The following MTIF2 variants were observed in gnomAD, a reference collection of about 807,000 sequenced individuals.
MTIF2 encodes the protein translation initiation factor IF-2, mitochondrial.
A neutral mutation model predicts 83.5 loss-of-function variants in MTIF2; 71 were observed. That is an observed-to-expected ratio of 0.85 (90% CI 0.70 to 1.04). MTIF2 has a LOEUF of 1.04. Ranked by LOEUF, MTIF2 falls within the 50% of genes least tolerant of loss-of-function variation. The probability of loss-of-function intolerance (pLI) is 0.00; values close to 1 mark genes in which losing one functional copy is unlikely to be tolerated. For synonymous variants in MTIF2, 319 were observed against 287.1 expected (o/e 1.11, Z -1.12); for missense variants, 957 against 846.5 (o/e 1.13, Z -1.62).
At chr2:55,237,469 A>C in intron 14 of MTIF2, 41 bp from the exon 15 acceptor site, 1 of 1,535,574 alleles carries the variant, frequency 6.5e-7, no homozygotes, top group Non-Finnish European at 8.8e-7. Context: ...AAAACTAAAG[A>C]TTCTGATAAA....
At chr2:55,260,333 G>T (rs1381931316) in intron 5 of MTIF2, among the ~76,000 whole-genome samples, 1 of 148,548 alleles carries the variant, frequency 6.7e-6, no homozygotes, top group Non-Finnish European at 1.5e-5. Flanking sequence ...CCAGGAGGCA[G>T]ATGTTGCAGC....
intron 9 of MTIF2, among the ~76,000 whole-genome samples, chr2:55,247,239 C>A (rs928983130): frequency 1.3e-5 from 2 of 152,136 alleles, no homozygotes; most frequent in Non-Finnish European, 2.9e-5. Flanking sequence ...TAAGAGATTG[C>A]TCACAGTTGT....
Position 55,262,401 on chromosome 2 carries a change from T to C in MTIF2, c.246A>G (p.Leu82=), listed in dbSNP as rs1321758514. 2 of 1,613,098 alleles carry C rather than the reference T, an allele frequency of 1.2e-6. No individual in the cohort carries two copies. The highest frequency in any genetic ancestry group is 1.7e-6 in the Non-Finnish European group (2 of 1,179,318). Residue 82 remains leucine, a synonymous_variant, in exon 5 of 16, where the codon TTA becomes TTG. Transcript: ENST00000263629. The stretch of plus-strand genomic sequence containing the variant: ...CCACCTTTTTAGATTTTGTTGAAGA[T>C]AACTGAGATTTCCATGGTCCTTCTT... ...KKEEGPWKSQ[L]SSTKSKKVVE...
intron 14 of MTIF2, among the ~76,000 whole-genome samples, chr2:55,238,233 T>C: frequency 6.6e-6 from 1 of 151,688 alleles, no homozygotes; most frequent in Non-Finnish European, 1.5e-5. Context: ...TGGAGGCTGG[T>C]CTTGAATTCG....
chr2:55,244,804 T>C (rs945546799), intron 10 of MTIF2, among the ~76,000 whole-genome samples: 17 of 151,932 alleles, frequency 1.1e-4, no homozygotes, highest in Non-Finnish European at 2.2e-4. Context: ...CCCAGTACTT[T>C]GGGAGGCCGA....
At position 55,244,074 on chromosome 2, in the gene MTIF2, T is replaced by C; in HGVS notation, c.1266A>G (p.Arg422=). ...PSMPVGITGW[R]DLPSAGEEIL... ...TTTCTTCTCCTGCAGAAGGAAGGTC[T>C]CTCCAGCCTGTAATTCCCACTGGCA... The change falls in exon 11 of 16, where the codon AGA becomes AGG. Residue 422 remains arginine (R), a synonymous_variant. Coordinates refer to ENST00000263629, the MANE Select transcript of MTIF2 (RefSeq NM_002453.3). 2 of 1,614,168 alleles carry C rather than the reference T, an allele frequency of 1.2e-6. No individual in the cohort carries two copies. Among genetic ancestry groups the C allele is most frequent in the Non-Finnish European group, 1.7e-6 (2 of 1,180,028 alleles).
In MTIF2 at chr2:55,244,164, A is replaced by G; in HGVS notation, c.1176T>C (p.Cys392=). ...CAAACATTAAGCGTACTTTTGCCCA[A>G]CATTTTCCAGCAACCAGAACAGAGC... ...RKGSVLVAGK[C]WAKVRLMFDE... is the part of the protein sequence containing the mutation. Residue 392 remains cysteine, a synonymous_variant, in exon 11 of 16, where the codon TGT becomes TGC. Coordinates refer to ENST00000263629, the MANE Select transcript of MTIF2 (RefSeq NM_002453.3). 1 of 1,614,152 alleles carries G rather than the reference A, an allele frequency of 6.2e-7. No homozygotes were observed. The highest frequency in any genetic ancestry group is 8.5e-7 in the Non-Finnish European group (1 of 1,180,014).
chr2:55,249,261 T>G (rs1190182332), intron 9 of MTIF2, 134 bp downstream of exon 9: 6 of 1,123,682 alleles, frequency 5.3e-6, no homozygotes, highest in Non-Finnish European at 5.0e-6. Context: ...ATACCATCTT[T>G]GCCTGGCACC....
intron 3 of MTIF2, among the ~76,000 whole-genome samples, chr2:55,265,890 T>C (rs887597594): frequency 8.5e-5 from 13 of 152,234 alleles, no homozygotes; most frequent in Admixed American, 8.5e-4. Context: ...CTACTGAATA[T>C]GTACACCTTT....
chr2:55,255,962 T>C (rs1213370853), intron 5 of MTIF2, among the ~76,000 whole-genome samples: 1 of 152,054 alleles, frequency 6.6e-6, no homozygotes, highest in East Asian at 1.9e-4. Flanking sequence ...CTGCAGCCTC[T>C]GCCTCCCAGG....
chr2:55,251,227 T>A (rs1677072500), intron 8 of MTIF2, among the ~76,000 whole-genome samples: 1 of 152,104 alleles, frequency 6.6e-6, no homozygotes, highest in African/African-American at 2.4e-5. Flanking sequence ...AGTTATCCTA[T>A]CTCAACCAAT....
In MTIF2 at chr2:55,262,541, CTTTTTTTT is replaced by C. The variant is rs66500251; in HGVS notation, c.220-122_220-115del. On this transcript the variant is annotated intron_variant, in intron 4 of 15. Transcript: ENST00000263629. ...TAGCTACATTTCTTTCTTTTTTTTT[CTTTTTTTT>C]TTTTTTTTTTTGAGACAGACTCTTG... The C allele has an allele frequency of 2.6e-4, 74 of 285,202 alleles. 3 individuals are homozygous for C. The highest frequency in any genetic ancestry group is 2.3e-3 in the Middle Eastern group (2 of 884). The allele number at this position is 285,202 out of a possible 1,614,324, so 17.7% of individuals were successfully genotyped here.
At chr2:55,260,714 G>C (rs1677903950) in intron 5 of MTIF2, among the ~76,000 whole-genome samples, 2 of 152,154 alleles carry the variant, frequency 1.3e-5, no homozygotes, top group South Asian at 4.1e-4. Context: ...TGTAAATAAG[G>C]ATACCTAACT....
Position 55,249,549 on chromosome 2 carries a change from G to A in MTIF2, c.842-15C>T, listed in dbSNP as rs3748942. 1.7e-5 allele frequency: 28 copies of A among 1,610,922 alleles called. No homozygotes were observed. The East Asian group carries it at 6.0e-4, about 35-fold the overall frequency. On this transcript the variant is annotated splice_polypyrimidine_tract_variant and intron_variant, in intron 8 of 15. Transcript: ENST00000263629. ...GATAATAGGAACTGAAAGAAATGGA[G>A]TTAAAAAGAGTGAAAATGATGACAC...
intron 8 of MTIF2, among the ~76,000 whole-genome samples, chr2:55,252,051 T>G (rs1677135449): frequency 6.6e-6 from 1 of 152,368 alleles, no homozygotes; most frequent in Non-Finnish European, 1.5e-5. Flanking sequence ...TAAGAACTTA[T>G]TTAAAGCAGA....
intron 8 of MTIF2, among the ~76,000 whole-genome samples, chr2:55,251,494 A>G (rs1677089809): frequency 6.6e-6 from 1 of 152,224 alleles, no homozygotes; most frequent in Non-Finnish European, 1.5e-5. Context: ...GAACTGGACT[A>G]GTTCAGTAAC....
At chr2:55,247,077 A>C (rs187097759) in intron 9 of MTIF2, among the ~76,000 whole-genome samples, 2 of 152,052 alleles carry the variant, frequency 1.3e-5, no homozygotes, top group South Asian at 4.1e-4. Flanking sequence ...CCTTACCTCA[A>C]CCATAAAATG....
intron 3 of MTIF2, among the ~76,000 whole-genome samples, chr2:55,264,420 A>G (rs1398273183): frequency 6.6e-6 from 1 of 152,126 alleles, no homozygotes; most frequent in Non-Finnish European, 1.5e-5. Context: ...TTTTTTTGGT[A>G]GAGATGGTGT....
intron 10 of MTIF2, among the ~76,000 whole-genome samples, chr2:55,244,995 C>T (rs1183832320): frequency 1.3e-5 from 2 of 150,616 alleles, no homozygotes; most frequent in South Asian, 2.1e-4. Context: ...TGCAGTGAGC[C>T]GAGATCACAC....
Sources: allele counts gnomAD v4.1 joint callset (sites outside exome capture counted in the v4.1 genomes callset), GRCh38; gene constraint gnomAD v4.1.1; transcripts MANE v1.5; gene names NCBI Gene and HGNC (gene_info 2026-07-23, HGNC 2026-07-21).